Variants in EML6 observed in about 807,000 individuals in gnomAD.
The protein encoded by EML6 is EMAP like 6.
A neutral mutation model predicts 240.1 loss-of-function variants in EML6; 154 were observed. That is an observed-to-expected ratio of 0.64 (90% CI 0.56 to 0.73). The LOEUF (loss-of-function observed/expected upper bound fraction) is 0.73, where lower values mean the gene tolerates loss of function less well. Among genes scored for constraint, EML6 ranks in the 30% least tolerant of loss-of-function variants. The pLI is 0.00. For missense variants in EML6, 2,964 were observed against 2,474.6 expected, an observed-to-expected ratio of 1.20 and a Z score of -4.20; for synonymous variants, 1,148 against 899.0, an observed-to-expected ratio of 1.28 and a Z score of -4.95.
At chr2:54,887,245 A>G (rs1573073692) in intron 17 of EML6, among the ~76,000 whole-genome samples, 4 of 152,338 alleles carry the variant, frequency 2.6e-5, no homozygotes, top group Admixed American at 2.6e-4. Flanking sequence ...GCATCAGCTG[A>G]CAACCTTGGG....
intron 7 of EML6, among the ~76,000 whole-genome samples, chr2:54,840,955 G>C (rs1669414561): frequency 6.6e-6 from 1 of 152,256 alleles, no homozygotes; most frequent in East Asian, 1.9e-4. Context: ...ATGATGCAAA[G>C]CCTGCTAGGG....
chr2:54,861,155 C>A (rs983864673), intron 12 of EML6, among the ~76,000 whole-genome samples: 2 of 152,154 alleles, frequency 1.3e-5, no homozygotes. Context: ...AATAGCCTTC[C>A]AGCAGCCAGA....
At chr2:54,903,628 A>ACC in intron 24 of EML6, 126 bp downstream of exon 24, 1 of 428,746 alleles carries the variant, frequency 2.3e-6, no homozygotes, top group African/African-American at 2.1e-5. Flanking sequence ...CAACAATATA[A>ACC]ACGACTGTAA....
At chr2:54,747,724 A>T (rs7580158) in intron 2 of EML6, among the ~76,000 whole-genome samples, 13,044 of 152,216 alleles carry the variant, frequency 0.086, 1,761 homozygotes, top group African/African-American at 0.29. Context: ...CTAAGCAAAA[A>T]TTACTGTACT....
intron 2 of EML6, among the ~76,000 whole-genome samples, chr2:54,763,011 CA>C (rs1308397176): frequency 6.6e-6 from 1 of 152,146 alleles, no homozygotes; most frequent in Admixed American, 6.5e-5. Flanking sequence ...CCCCCAATTC[CA>C]ACACAGCTTC....
chr2:54,802,547 G>C (rs1365671898), intron 2 of EML6, among the ~76,000 whole-genome samples: 1 of 151,838 alleles, frequency 6.6e-6, no homozygotes, highest in African/African-American at 2.4e-5. Context: ...GGATCACTGA[G>C]CCCTGGGAAG....
At chr2:54,743,699 T>G (rs1364483354) in intron 2 of EML6, among the ~76,000 whole-genome samples, 1 of 152,216 alleles carries the variant, frequency 6.6e-6, no homozygotes, top group Non-Finnish European at 1.5e-5. Flanking sequence ...ATACCTCTCT[T>G]GGTAAAATAC....
chr2:54,831,015 T>A (rs1307870983), intron 7 of EML6, among the ~76,000 whole-genome samples: 1 of 152,170 alleles, frequency 6.6e-6, no homozygotes, highest in African/African-American at 2.4e-5. Flanking sequence ...CAGGGAAACT[T>A]GATCCGGAAA....
chr2:54,946,348 C>G (rs1054269318), intron 28 of EML6, among the ~76,000 whole-genome samples: 1 of 152,152 alleles, frequency 6.6e-6, no homozygotes, highest in Non-Finnish European at 1.5e-5. Context: ...GTGCCCACAG[C>G]CTTCCTCGCA....
At chr2:54,869,009 T>A (rs1671114910) in intron 14 of EML6, 172 bp from the exon 15 acceptor site, 1 of 518,016 alleles carries the variant, frequency 1.9e-6, no homozygotes, top group African/African-American at 1.9e-5. Flanking sequence ...GAGAGTCATC[T>A]CATGCCCTCA....
intron 2 of EML6, among the ~76,000 whole-genome samples, chr2:54,809,452 T>C (rs1035879271): frequency 2.0e-5 from 3 of 152,172 alleles, no homozygotes; most frequent in Admixed American, 1.3e-4. Context: ...GACAGGGTTC[T>C]TTGCATCACA....
At chr2:54,727,128 G>T (rs762229948) in intron 2 of EML6, among the ~76,000 whole-genome samples, 59 of 152,332 alleles carry the variant, frequency 3.9e-4, no homozygotes, top group Non-Finnish European at 4.3e-4. Flanking sequence ...TTGAAGAAAA[G>T]GTGAATGAAG....
At chr2:54,947,966 G>T (rs984014181) in intron 28 of EML6, among the ~76,000 whole-genome samples, 3 of 152,196 alleles carry the variant, frequency 2.0e-5, no homozygotes, top group African/African-American at 4.8e-5. Context: ...GCTCTAAACT[G>T]TACTAAGTTT....
At chr2:54,865,631 G>A (rs933762785) in intron 13 of EML6, among the ~76,000 whole-genome samples, 4 of 152,106 alleles carry the variant, frequency 2.6e-5, no homozygotes. Context: ...TTGTGTTTTG[G>A]TTTTGGATTT....
intron 28 of EML6, among the ~76,000 whole-genome samples, chr2:54,939,769 A>G (rs1675332128): frequency 6.6e-6 from 1 of 152,190 alleles, no homozygotes. Flanking sequence ...AGATTTGGGC[A>G]TCCCATACAA....
At chr2:54,926,363 A>C (rs1674546574) in intron 26 of EML6, among the ~76,000 whole-genome samples, 1 of 152,212 alleles carries the variant, frequency 6.6e-6, no homozygotes, top group Admixed American at 6.5e-5. Flanking sequence ...TGGCCTCCCA[A>C]AGTGCTGGGA....
rs193108710 is a variant in EML6, at chr2:54,733,761, G to A, written c.197+8503G>A. ...TTCCAAATTCCCAGGAAAGAGAATC[G>A]AATTGCTCTATCATGGGTCAGAATG... On this transcript the variant is annotated intron_variant, in intron 2 of 41. Coordinates refer to ENST00000356458, the MANE Select transcript of EML6 (RefSeq NM_001039753.4). Among the ~76,000 whole-genome samples, 13 of 152,234 alleles carry A rather than the reference G, an allele frequency of 8.5e-5. No individual in the cohort carries two copies. The East Asian group carries it at 1.2e-3, about 14-fold the overall frequency.
At chr2:54,925,021 G>A (rs894947863) in intron 26 of EML6, among the ~76,000 whole-genome samples, 3 of 152,152 alleles carry the variant, frequency 2.0e-5, no homozygotes, top group African/African-American at 7.2e-5. Context: ...GAATGGTTGT[G>A]TCTTCCCAAA....
chr2:54,907,871 A>C (rs950137796), intron 24 of EML6, among the ~76,000 whole-genome samples: 1 of 151,812 alleles, frequency 6.6e-6, no homozygotes, highest in Admixed American at 6.6e-5. Flanking sequence ...GTCAGTGGTG[A>C]GACAGATAGA....
Sources: gnomAD v4.1 joint callset for allele counts (sites outside exome capture counted in the v4.1 genomes callset) on GRCh38, gnomAD v4.1.1 for gene constraint, MANE v1.5 for transcripts, NCBI Gene and HGNC (gene_info 2026-07-23, HGNC 2026-07-21) for gene names.